WNK1: variants seen among roughly 807,000 people sequenced by gnomAD.
The protein encoded by WNK1 is serine/threonine-protein kinase WNK1.
In WNK1, 38 loss-of-function variants were observed where a neutral mutation model predicts 222.8. That is an observed-to-expected ratio of 0.17 (90% CI 0.13 to 0.22). WNK1 has a LOEUF of 0.22. Ranked by LOEUF, WNK1 falls within the 10% of genes least tolerant of loss-of-function variation. The pLI is 1.00. For missense variants in WNK1, 2,348 were observed against 2,918.4 expected (o/e 0.80, Z 4.50); for synonymous variants, 1,090 against 1,092.9 (o/e 1.00, Z 0.05).
At chr12:851,837 T>C (rs1040125488) in intron 4 of WNK1, 2 of 1,242,116 alleles carry the variant, frequency 1.6e-6, no homozygotes, top group South Asian at 2.7e-5. Flanking sequence ...TTTTTGGTGA[T>C]ATTGGTAGAA....
chr12:786,043 GATTTTATTAAAAC>G (rs1430465603), intron 1 of WNK1, among the ~76,000 whole-genome samples: 3 of 152,068 alleles, frequency 2.0e-5, no homozygotes, highest in African/African-American at 7.2e-5. Flanking sequence ...CCACTTTAGA[GATTTTATTAAAAC>G]TTTTTATTTA....
Position 910,933 on chromosome 12 carries a change from C to T in WNK1, c.*2141C>T, listed in dbSNP as rs922731797. Reference sequence around the variant, plus strand: ...TCTTGTGGAGAGAGTAAGGATAGAACCAACAAGGGGCTGAGTAGCTGAGAA... The same window carrying T: ...TCTTGTGGAGAGAGTAAGGATAGAATCAACAAGGGGCTGAGTAGCTGAGAA... On this transcript the variant is annotated 3_prime_UTR_variant, in exon 28 of 28. Coordinates refer to ENST00000315939, the MANE Select transcript of WNK1 (RefSeq NM_018979.4). 5.2e-6 allele frequency: 1 copy of T among 191,472 alleles called. No homozygotes were observed. The highest frequency in any genetic ancestry group is 1.1e-5 in the Non-Finnish European group (1 of 94,712). The allele number at this position is 191,472 out of a possible 1,614,324, so 11.9% of individuals were successfully genotyped here. A position where few individuals can be genotyped will look rare whatever the true frequency, so the allele number is the denominator to read the frequency against.
At chr12:873,812 C>T (rs1952373729) in intron 9 of WNK1, among the ~76,000 whole-genome samples, 1 of 152,056 alleles carries the variant, frequency 6.6e-6, no homozygotes, top group Non-Finnish European at 1.5e-5. Context: ...CCTTAGAGAA[C>T]CATATCTCTT....
At chr12:853,726 C>T (rs1297695617) in intron 4 of WNK1, among the ~76,000 whole-genome samples, 1 of 152,116 alleles carries the variant, frequency 6.6e-6, no homozygotes, top group East Asian at 1.9e-4. Flanking sequence ...ACATACATTC[C>T]CTTGAAATGT....
Position 884,310 on chromosome 12 carries a change from A to G in WNK1, c.3844+67A>G. 2 of 1,604,690 alleles carry G rather than the reference A, an allele frequency of 1.2e-6. No individual in the cohort carries two copies. Among genetic ancestry groups the G allele is most frequent in the Non-Finnish European group, 1.7e-6 (2 of 1,172,682 alleles). ...GTGCCTCTGCTATGTTGAAAGCTTAATCATAAAGCAGTAATTTATGATGAC... is the reference window on the plus strand; with the variant it reads ...GTGCCTCTGCTATGTTGAAAGCTTAGTCATAAAGCAGTAATTTATGATGAC... On this transcript the variant is annotated intron_variant, in intron 18 of 27. Transcript: ENST00000315939. The surrounding 1 kb of genome is among the most constrained non-coding windows in gnomAD (Gnocchi z 5.6).
chr12:774,653 T>C (rs182728366), intron 1 of WNK1, among the ~76,000 whole-genome samples: 2 of 152,354 alleles, frequency 1.3e-5, no homozygotes, highest in Admixed American at 1.3e-4. Context: ...AAATACTTTC[T>C]ATTCATTGTA....
chr12:753,751 C>G lies in WNK1; in HGVS notation c.186C>G (p.Asp62Glu), dbSNP rs1939538524. 2.5e-6 allele frequency: 4 copies of G among 1,612,208 alleles called. No individual in the cohort carries two copies. The highest frequency in any genetic ancestry group is 2.2e-5 in the South Asian group (2 of 91,086). The change falls in exon 1 of 28, where the codon GAC becomes GAG. Residue 62 changes from aspartate to glutamate, a missense_variant. By Grantham distance (45) the Asp-to-Glu change is conservative. Transcript: ENST00000315939. The surrounding 1 kb of genome is among the most constrained non-coding windows in gnomAD (Gnocchi z 5.2). ...ACAGGCGCCGCCGCCACACTATGGA[C>G]AAGGACAGCCGTGGGGCGGCCGCGA... ...EEYRRRRHTM[D>E]KDSRGAAATT...
intron 26 of WNK1, among the ~76,000 whole-genome samples, chr12:905,537 T>C (rs921610605): frequency 8.5e-5 from 13 of 152,284 alleles, no homozygotes; most frequent in African/African-American, 2.2e-4. Flanking sequence ...TATTTAGCTT[T>C]TGACAGCTCT....
At chr12:788,205 A>G (rs1423221471) in intron 1 of WNK1, among the ~76,000 whole-genome samples, 1 of 152,174 alleles carries the variant, frequency 6.6e-6, no homozygotes, top group Admixed American at 6.5e-5. Flanking sequence ...AGCAACACCT[A>G]GTTAGTATTT....
At chr12:806,422 G>A (rs1946372473) in intron 1 of WNK1, among the ~76,000 whole-genome samples, 1 of 152,188 alleles carries the variant, frequency 6.6e-6, no homozygotes, top group South Asian at 2.1e-4. Context: ...CTTGGAGACT[G>A]GGGCCAGGGT....
At chr12:778,767 C>G (rs1943389003) in intron 1 of WNK1, among the ~76,000 whole-genome samples, 1 of 151,264 alleles carries the variant, frequency 6.6e-6, no homozygotes, top group Non-Finnish European at 1.5e-5. Flanking sequence ...TACATGTAAA[C>G]TCTAGAACGA....
chr12:887,346 CT>C (rs1953764341), intron 20 of WNK1, 42 bp downstream of exon 20: 1 of 1,601,886 alleles, frequency 6.2e-7, no homozygotes, highest in Admixed American at 1.7e-5. Flanking sequence ...GCCCTACTTT[CT>C]TTGACAAAGC....
chr12:859,559 G>A (rs941287246), intron 6 of WNK1, 95 bp downstream of exon 6: 3 of 916,532 alleles, frequency 3.3e-6, no homozygotes, highest in Non-Finnish European at 5.1e-6. Flanking sequence ...GCCGTGTGTG[G>A]CATATCCCAT....
At position 896,487 on chromosome 12, in the gene WNK1, A is replaced by G; in HGVS notation, c.6000A>G (p.Glu2000=). ...TGATACCAAAGAAAGAGAAGCCTGAACTGTCAGAGCCTTCACATCTAAATG... is the reference window on the plus strand; with the variant it reads ...TGATACCAAAGAAAGAGAAGCCTGAGCTGTCAGAGCCTTCACATCTAAATG... The part of the protein sequence containing the change: ...PAVIPKKEKP[E]LSEPSHLNGP... The change falls in exon 24 of 28, where the codon GAA becomes GAG. Residue 2000 remains glutamate (E), a synonymous_variant. Transcript: ENST00000315939. The G allele has an allele frequency of 1.2e-6, 2 of 1,613,836 alleles. No individual in the cohort carries two copies. The highest frequency in any genetic ancestry group is 2.2e-5 in the South Asian group (2 of 91,048).
In WNK1 at chr12:871,318, A is replaced by G; in HGVS notation, c.2193A>G (p.Ser731=). ...CCTCAAGTAGCTTAACAGGGGTTTC[A>G]TCTTCCCAACCCATACAACATCCTC... ...QPSSSSLTGV[S]SSQPIQHPQQ... is the part of the protein sequence containing the mutation. Residue 731 remains serine (S), a synonymous_variant, in exon 9 of 28, where the codon TCA becomes TCG. Transcript: ENST00000315939. The G allele has an allele frequency of 6.2e-7, 1 of 1,614,188 alleles. No homozygotes were observed. The highest frequency in any genetic ancestry group is 1.7e-5 in the Admixed American group (1 of 60,018).
intron 4 of WNK1, among the ~76,000 whole-genome samples, chr12:836,109 A>G (rs1021876853): frequency 2.0e-5 from 3 of 152,236 alleles, no homozygotes; most frequent in African/African-American, 7.2e-5. Flanking sequence ...TACTAATACA[A>G]TCTGACTTTT....
intron 2 of WNK1, among the ~76,000 whole-genome samples, chr12:819,682 A>G (rs971398463): frequency 6.6e-6 from 1 of 152,174 alleles, no homozygotes; most frequent in African/African-American, 2.4e-5. Context: ...GTTTTCTTCT[A>G]AGAGTTCTAT....
chr12:850,167 A>G (rs1950313504), intron 4 of WNK1, among the ~76,000 whole-genome samples: 1 of 152,212 alleles, frequency 6.6e-6, no homozygotes, highest in African/African-American at 2.4e-5. Context: ...TGGTTGAACT[A>G]GTTTACAGTC....
chr12:774,824 C>T (rs1041264344), intron 1 of WNK1, among the ~76,000 whole-genome samples: 1 of 152,052 alleles, frequency 6.6e-6, no homozygotes, highest in Non-Finnish European at 1.5e-5. Context: ...AATTGTATTT[C>T]CTCTTTTGTC....
Sources: allele counts gnomAD v4.1 joint callset (sites outside exome capture counted in the v4.1 genomes callset), GRCh38; gene constraint gnomAD v4.1.1; non-coding constraint Gnocchi (gnomAD v3.1); transcripts MANE v1.5; gene names NCBI Gene and HGNC (gene_info 2026-07-23, HGNC 2026-07-21).